Variants in SLC9A9 observed in about 807,000 individuals in gnomAD.
SLC9A9 encodes the protein solute carrier family 9 member A9.
A neutral mutation model predicts 77.8 loss-of-function variants in SLC9A9; 62 were observed. That is an observed-to-expected ratio of 0.80 (90% CI 0.65 to 0.98). The LOEUF (loss-of-function observed/expected upper bound fraction) is 0.98. Among genes scored for constraint, SLC9A9 ranks in the 50% least tolerant of loss-of-function variants. SLC9A9 has a pLI of 0.00. For synonymous variants in SLC9A9, 320 were observed against 283.5 expected (o/e 1.13, Z -1.29); for missense variants, 775 against 774.9 (o/e 1.00, Z 0.00).
chr3:143,593,428 A>C (rs1217590194), intron 6 of SLC9A9, among the ~76,000 whole-genome samples: 1 of 152,240 alleles, frequency 6.6e-6, no homozygotes, highest in African/African-American at 2.4e-5. Context: ...CAAAAGGTAG[A>C]ATTTAATAAT....
At chr3:143,844,416 G>C (rs998903519) in intron 1 of SLC9A9, among the ~76,000 whole-genome samples, 7 of 152,170 alleles carry the variant, frequency 4.6e-5, no homozygotes, top group African/African-American at 1.7e-4. Context: ...CAGAAAAGCA[G>C]ATGGCAGAAT....
intron 4 of SLC9A9, among the ~76,000 whole-genome samples, chr3:143,737,417 T>TAA (rs921478072): frequency 1.3e-5 from 2 of 150,280 alleles, no homozygotes; most frequent in Non-Finnish European, 3.0e-5. Context: ...ATCATAGAAA[T>TAA]AAAGGCTTGA....
At chr3:143,695,998 G>GT (rs3055595) in intron 4 of SLC9A9, among the ~76,000 whole-genome samples, 1 of 151,362 alleles carries the variant, frequency 6.6e-6, no homozygotes, top group African/African-American at 2.4e-5. Flanking sequence ...ATTTGATGGG[G>GT]TTATTTCTTG....
chr3:143,497,912 A>T (rs2035862967), intron 9 of SLC9A9, among the ~76,000 whole-genome samples: 1 of 152,222 alleles, frequency 6.6e-6, no homozygotes, highest in Non-Finnish European at 1.5e-5. Flanking sequence ...TAATCTATTC[A>T]TCATCTTAAT....
intron 4 of SLC9A9, among the ~76,000 whole-genome samples, chr3:143,710,952 A>C (rs181382433): frequency 6.6e-5 from 10 of 152,360 alleles, no homozygotes; most frequent in Admixed American, 5.2e-4. Context: ...TTTTCTGACA[A>C]GTAACAAACT....
At chr3:143,360,075 T>G (rs2032702142) in intron 14 of SLC9A9, among the ~76,000 whole-genome samples, 1 of 152,168 alleles carries the variant, frequency 6.6e-6, no homozygotes, top group African/African-American at 2.4e-5. Context: ...GACATAGGAA[T>G]GTTAATAATC....
intron 4 of SLC9A9, among the ~76,000 whole-genome samples, 162 bp from the exon 5 acceptor site, chr3:143,693,469 C>G (rs543862876): frequency 6.6e-6 from 1 of 152,266 alleles, no homozygotes; most frequent in East Asian, 1.9e-4. Flanking sequence ...ACACTGGAAT[C>G]TCTTGGCTAT....
chr3:143,334,797 G>A (rs747466600), intron 14 of SLC9A9, among the ~76,000 whole-genome samples: 1 of 152,090 alleles, frequency 6.6e-6, no homozygotes, highest in Non-Finnish European at 1.5e-5. Flanking sequence ...AACTCATAAA[G>A]ATATGCCAAG....
intron 9 of SLC9A9, among the ~76,000 whole-genome samples, chr3:143,550,513 A>G (rs922753053): frequency 3.3e-5 from 5 of 152,334 alleles, no homozygotes; most frequent in Non-Finnish European, 7.3e-5. Flanking sequence ...TGATACAAGC[A>G]CAGTATGGAA....
At chr3:143,465,544 C>G (rs2035267860) in intron 12 of SLC9A9, among the ~76,000 whole-genome samples, 1 of 152,210 alleles carries the variant, frequency 6.6e-6, no homozygotes, top group African/African-American at 2.4e-5. Context: ...GACATCACTA[C>G]TTTATGTTCT....
At chr3:143,766,581 T>C (rs1448654868) in intron 4 of SLC9A9, among the ~76,000 whole-genome samples, 1 of 146,384 alleles carries the variant, frequency 6.8e-6, no homozygotes, top group Admixed American at 6.7e-5. Flanking sequence ...AAGTTTTTTT[T>C]GTTTTTGAGA....
At chr3:143,391,927 G>T (rs201031142) in intron 12 of SLC9A9, among the ~76,000 whole-genome samples, 5 of 152,168 alleles carry the variant, frequency 3.3e-5, no homozygotes, top group Non-Finnish European at 7.4e-5. Flanking sequence ...AATGAACAAA[G>T]CCTCCAAGAA....
rs182193409 is a variant in SLC9A9, at chr3:143,467,240, T to A, written c.1316-50A>T. 887 of 1,608,842 alleles carry A rather than the reference T, an allele frequency of 5.5e-4. 6 individuals are homozygous for A. In the African/African-American group the frequency reaches 9.6e-3, roughly 17 times the overall value. ...AATAAATGCCTTGCAGGTGTCTTTT[T>A]CATTTCAATGGATTCATCTTTACAA... On this transcript the variant is annotated intron_variant, in intron 11 of 15. Coordinates refer to ENST00000316549, the MANE Select transcript of SLC9A9 (RefSeq NM_173653.4).
intron 14 of SLC9A9, among the ~76,000 whole-genome samples, chr3:143,337,078 A>G (rs1576432900): frequency 6.6e-6 from 1 of 152,212 alleles, no homozygotes; most frequent in African/African-American, 2.4e-5. Context: ...GCTAATCTAT[A>G]TATTTTAAAG....
At chr3:143,666,841 C>T (rs2039078131) in intron 5 of SLC9A9, among the ~76,000 whole-genome samples, 1 of 152,156 alleles carries the variant, frequency 6.6e-6, no homozygotes, top group African/African-American at 2.4e-5. Context: ...AGGACACAAA[C>T]AAATGGAAGA....
intron 4 of SLC9A9, among the ~76,000 whole-genome samples, chr3:143,737,648 C>T (rs1485636564): frequency 1.3e-5 from 2 of 152,190 alleles, no homozygotes; most frequent in East Asian, 1.9e-4. Flanking sequence ...GTTAATATTA[C>T]AGTTTCTTCT....
intron 6 of SLC9A9, among the ~76,000 whole-genome samples, chr3:143,606,504 C>T (rs2037932011): frequency 7.3e-6 from 1 of 137,664 alleles, no homozygotes; most frequent in Admixed American, 7.4e-5. Context: ...AATTTAAAAA[C>T]ATTAAAAAGA....
chr3:143,518,006 G>A, intron 9 of SLC9A9: 5 of 1,415,320 alleles, frequency 3.5e-6, no homozygotes, highest in Admixed American at 1.7e-5. Context: ...TTCTTCACTT[G>A]ACGGTTCTTC....
At chr3:143,412,242 T>C (rs2034108993) in intron 12 of SLC9A9, among the ~76,000 whole-genome samples, 1 of 152,098 alleles carries the variant, frequency 6.6e-6, no homozygotes, top group Non-Finnish European at 1.5e-5. Context: ...TTGCTCTCCC[T>C]GACAGGTCCT....
Sources: gnomAD v4.1 joint callset for allele counts (sites outside exome capture counted in the v4.1 genomes callset) on GRCh38, gnomAD v4.1.1 for gene constraint, MANE v1.5 for transcripts, NCBI Gene and HGNC (gene_info 2026-07-23, HGNC 2026-07-21) for gene names.